SLC4A10: variants seen among roughly 807,000 people sequenced by gnomAD.
SLC4A10 encodes solute carrier family 4 member 10, also known as sodium-driven chloride bicarbonate exchanger.
Under a neutral mutation model 137.7 loss-of-function variants are expected in SLC4A10, and 42 were observed. The ratio of observed to expected loss-of-function variants is 0.30; its 90% CI spans 0.24 to 0.39. SLC4A10 has a LOEUF of 0.39. Ranked by LOEUF, SLC4A10 falls within the 10% of genes least tolerant of loss-of-function variation. The pLI, the probability that SLC4A10 is intolerant of heterozygous loss-of-function variation, is 1.00. For missense variants in SLC4A10, 925 were observed against 1,355.0 expected, an observed-to-expected ratio of 0.68 and a Z score of 4.98; for synonymous variants, 474 against 464.1, an observed-to-expected ratio of 1.02 and a Z score of -0.27.
chr2:161,926,209 G>A lies in SLC4A10; in HGVS notation c.1998-16583G>A, dbSNP rs199936247. On this transcript the variant is annotated intron_variant, in intron 15 of 26. Coordinates refer to ENST00000446997, the MANE Select transcript of SLC4A10 (RefSeq NM_001178015.2). ...TCTAAGTCTCTTTGTAGGTCACTCA[G>A]GACTTGCTTTATGAATCTGGGTGCT... Among the ~76,000 whole-genome samples, 9 of 150,972 alleles carry A rather than the reference G, an allele frequency of 6.0e-5. No individual in the cohort carries two copies. In the East Asian group the frequency reaches 1.6e-3, roughly 27 times the overall value.
chr2:161,944,611 A>C lies in SLC4A10; in HGVS notation c.2103+1714A>C, dbSNP rs1408941203. On this transcript the variant is annotated intron_variant, in intron 16 of 26. Coordinates refer to ENST00000446997, the MANE Select transcript of SLC4A10 (RefSeq NM_001178015.2). ...TGGTTTTTTTCTCTTTTTTTTTGTC[A>C]TTTTAAAAAGTTTTGTACTAGGTGT... Among the ~76,000 whole-genome samples, 3 of 151,138 alleles carry C rather than the reference A, an allele frequency of 2.0e-5. 1 individual carries two copies. The South Asian group carries it at 6.2e-4, about 31-fold the overall frequency.
intron 3 of SLC4A10, among the ~76,000 whole-genome samples, chr2:161,823,110 A>G (rs1348482015): frequency 6.6e-6 from 1 of 152,232 alleles, no homozygotes; most frequent in Non-Finnish European, 1.5e-5. Context: ...ACATATAGGT[A>G]GATACTAGTC....
chr2:161,977,893 C>T (rs78049476), intron 26 of SLC4A10, 133 bp downstream of exon 26: 1 of 659,304 alleles, frequency 1.5e-6, no homozygotes, highest in African/African-American at 1.9e-5. Context: ...GTGTTGGGCT[C>T]AGATCCAGTA....
chr2:161,957,163 A>G lies in SLC4A10; in HGVS notation c.2716A>G (p.Ile906Val), dbSNP rs1695815185. The change falls in exon 20 of 27, where the codon ATT becomes GTT. Residue 906 changes from isoleucine (I) to valine (V), a missense_variant. Ile to Val is a conservative substitution (Grantham distance 29). Around this residue, in one of 11 missense-constraint regions of SLC4A10, gnomAD observed 115 missense variants for 237.5 expected, o/e 0.48. Coordinates refer to ENST00000446997, the MANE Select transcript of SLC4A10 (RefSeq NM_001178015.2). ...AGGAGAACAACCCAAATTTCTCGGCATTCGGGAGCAAAGGGTTACTGGGCT... is the reference window on the plus strand; with the variant it reads ...AGGAGAACAACCCAAATTTCTCGGCGTTCGGGAGCAAAGGGTTACTGGGCT... Reference protein sequence around the residue: ...APGEQPKFLGIREQRVTGLMI... With the variant: ...APGEQPKFLGVREQRVTGLMI... 1 of 1,613,696 alleles carries G rather than the reference A, an allele frequency of 6.2e-7. No individual in the cohort carries two copies. Among genetic ancestry groups the G allele is most frequent in the Non-Finnish European group, 8.5e-7 (1 of 1,179,852 alleles).
intron 15 of SLC4A10, among the ~76,000 whole-genome samples, chr2:161,942,031 A>C (rs925842461): frequency 2.6e-5 from 4 of 152,174 alleles, no homozygotes; most frequent in African/African-American, 9.7e-5. Context: ...CTGATGTAGA[A>C]GGCAGAAGGG....
intron 15 of SLC4A10, among the ~76,000 whole-genome samples, chr2:161,907,525 T>G (rs1684723111): frequency 6.6e-6 from 1 of 152,092 alleles, no homozygotes; most frequent in Admixed American, 6.5e-5. Context: ...TCCAGTTTAG[T>G]AGGGAATGTA....
intron 1 of SLC4A10, among the ~76,000 whole-genome samples, chr2:161,762,994 A>C (rs1217502549): frequency 1.3e-5 from 2 of 152,104 alleles, no homozygotes; most frequent in African/African-American, 4.8e-5. Flanking sequence ...GAGACCATAC[A>C]TTCCTTGAGT....
chr2:161,733,333 A>G (rs62189017), intron 1 of SLC4A10, among the ~76,000 whole-genome samples: 10,874 of 152,218 alleles, frequency 0.071, 531 homozygotes, highest in Non-Finnish European at 0.1. Context: ...CACTCCAGCC[A>G]TGGCTGAAAG....
chr2:161,733,638 C>T (rs1275188181), intron 1 of SLC4A10, among the ~76,000 whole-genome samples: 2 of 152,210 alleles, frequency 1.3e-5, no homozygotes, highest in African/African-American at 4.8e-5. Flanking sequence ...GAGAAGAGAG[C>T]CACTATCCTC....
intron 3 of SLC4A10, among the ~76,000 whole-genome samples, chr2:161,833,383 A>G (rs2058562524): frequency 6.6e-6 from 1 of 152,184 alleles, no homozygotes; most frequent in Non-Finnish European, 1.5e-5. Context: ...TCAAGGGGAA[A>G]CTATAGATGA....
At chr2:161,811,789 A>G (rs555391436) in intron 3 of SLC4A10, among the ~76,000 whole-genome samples, 3 of 151,996 alleles carry the variant, frequency 2.0e-5, no homozygotes, top group Non-Finnish European at 2.9e-5. Flanking sequence ...AAAATAAGGA[A>G]GTTTTCTTTT....
intron 2 of SLC4A10, among the ~76,000 whole-genome samples, chr2:161,779,111 G>T (rs1033613127): frequency 6.6e-6 from 1 of 151,962 alleles, no homozygotes; most frequent in South Asian, 2.1e-4. Context: ...GAAGGTCAAA[G>T]TGGAAGTGGC....
chr2:161,648,948 T>A lies in SLC4A10; in HGVS notation c.48+24382T>A, dbSNP rs1574091768. On this transcript the variant is annotated intron_variant, in intron 1 of 26. Coordinates refer to ENST00000446997, the MANE Select transcript of SLC4A10 (RefSeq NM_001178015.2). ...ACTTATGTGTGTTCCTGGTAGATATTGAGATCCCTAGTTGCATCAAAAATT... is the reference window on the plus strand; with the variant it reads ...ACTTATGTGTGTTCCTGGTAGATATAGAGATCCCTAGTTGCATCAAAAATT... Among the ~76,000 whole-genome samples, 3 of 152,316 alleles carry A rather than the reference T, an allele frequency of 2.0e-5. No individual in the cohort carries two copies. The South Asian group carries it at 6.2e-4, about 32-fold the overall frequency.
At chr2:161,983,072 G>A in intron 26 of SLC4A10, 107 bp from the exon 27 acceptor site, 1 of 915,898 alleles carries the variant, frequency 1.1e-6, no homozygotes, top group South Asian at 1.6e-5. Flanking sequence ...ATGCCTACGG[G>A]CTCTTGTGGT....
chr2:161,960,082 G>T (rs910304025), intron 21 of SLC4A10, among the ~76,000 whole-genome samples: 1 of 151,992 alleles, frequency 6.6e-6, no homozygotes, highest in Non-Finnish European at 1.5e-5. Flanking sequence ...AGAGAAGAGG[G>T]GTTGAGTGTG....
rs572263864 is a variant in SLC4A10 at position 161,920,912 on chromosome 2, G to A, written c.1997+15025G>A. Among the ~76,000 whole-genome samples, 38 of 152,262 alleles carry A rather than the reference G, an allele frequency of 2.5e-4. No homozygotes were observed. In the South Asian group the frequency reaches 4.4e-3, roughly 17 times the overall value. On this transcript the variant is annotated intron_variant, in intron 15 of 26. Coordinates refer to ENST00000446997, the MANE Select transcript of SLC4A10 (RefSeq NM_001178015.2). ...GATGGTATAAAATGAATACAATATG[G>A]TCCCTACTCTGAAAGACCTTAGTGA...
chr2:161,802,896 A>G (rs918813339), intron 2 of SLC4A10, among the ~76,000 whole-genome samples: 29 of 152,020 alleles, frequency 1.9e-4, no homozygotes, highest in African/African-American at 6.0e-4. Context: ...TTTAACCTTA[A>G]TTACCTCTAT....
At chr2:161,692,316 T>C (rs1442434360) in intron 1 of SLC4A10, among the ~76,000 whole-genome samples, 2 of 152,104 alleles carry the variant, frequency 1.3e-5, no homozygotes, top group African/African-American at 4.8e-5. Context: ...TATAGGACTA[T>C]TAAATGTTGT....
At chr2:161,792,371 G>A (rs543643091) in intron 2 of SLC4A10, among the ~76,000 whole-genome samples, 1 of 152,054 alleles carries the variant, frequency 6.6e-6, no homozygotes, top group South Asian at 2.1e-4. Context: ...ACAAACCACG[G>A]ATGACCAAAG....
Sources: gnomAD v4.1 joint callset for allele counts (sites outside exome capture counted in the v4.1 genomes callset) on GRCh38, gnomAD v4.1.1 for gene constraint, gnomAD v4.1.1 regional missense constraint, MANE v1.5 for transcripts, NCBI Gene and HGNC (gene_info 2026-07-23, HGNC 2026-07-21) for gene names.